Variants in NAALADL2 observed in about 807,000 individuals in gnomAD.
NAALADL2 encodes the protein N-acetylated alpha-linked acidic dipeptidase like 2.
A neutral mutation model predicts 87.2 loss-of-function variants in NAALADL2; 76 were observed. The observed-to-expected ratio is 0.87, with a 90% CI of 0.72 to 1.05. NAALADL2 has a LOEUF of 1.05. Among genes scored for constraint, NAALADL2 ranks in the 50% least tolerant of loss-of-function variants. The pLI is 0.00. For missense variants in NAALADL2, 1,089 were observed against 945.8 expected, an observed-to-expected ratio of 1.15 and a Z score of -1.99; for synonymous variants, 354 against 331.0, an observed-to-expected ratio of 1.07 and a Z score of -0.75.
chr3:175,797,101 A>G (rs1753593244), intron 13 of NAALADL2, among the ~76,000 whole-genome samples: 1 of 152,148 alleles, frequency 6.6e-6, no homozygotes, highest in African/African-American at 2.4e-5. Context: ...TGTGTCATTG[A>G]AACAGGCTCA....
At chr3:174,903,997 ATC>A (rs1732648474) in intron 1 of NAALADL2, among the ~76,000 whole-genome samples, 1 of 150,934 alleles carries the variant, frequency 6.6e-6, no homozygotes, top group African/African-American at 2.5e-5. Context: ...CTATATCTAT[ATC>A]TATATCTATA....
intron 9 of NAALADL2, among the ~76,000 whole-genome samples, chr3:175,542,594 A>G (rs1712558171): frequency 6.6e-6 from 1 of 152,126 alleles, no homozygotes; most frequent in Admixed American, 6.5e-5. Context: ...TCCTGACCTC[A>G]AGTGATCCAC....
At chr3:174,593,175 C>T (rs1005982132) in intron 2 of NAALADL2, among the ~76,000 whole-genome samples, 4 of 152,096 alleles carry the variant, frequency 2.6e-5, no homozygotes, top group African/African-American at 9.7e-5. Context: ...CCATATTAAC[C>T]TTCCTAATGA....
chr3:175,155,255 G>A (rs1368084341), intron 2 of NAALADL2, among the ~76,000 whole-genome samples: 8 of 152,106 alleles, frequency 5.3e-5, no homozygotes, highest in South Asian at 2.1e-4. Flanking sequence ...TGCAACTGGG[G>A]CTGAGAATCA....
intron 13 of NAALADL2, among the ~76,000 whole-genome samples, chr3:175,767,873 C>A (rs1748942872): frequency 6.6e-6 from 1 of 152,276 alleles, no homozygotes; most frequent in South Asian, 2.1e-4. Flanking sequence ...GTTTATCTGC[C>A]TGAAACCGTT....
At chr3:174,605,721 T>C (rs1355896463) in intron 2 of NAALADL2, among the ~76,000 whole-genome samples, 1 of 151,918 alleles carries the variant, frequency 6.6e-6, no homozygotes, top group African/African-American at 2.4e-5. Context: ...CTCTGTAGGC[T>C]CCACCTCTGG....
At chr3:174,748,759 A>T (rs933157650) in intron 3 of NAALADL2, among the ~76,000 whole-genome samples, 2 of 152,182 alleles carry the variant, frequency 1.3e-5, no homozygotes, top group African/African-American at 4.8e-5. Flanking sequence ...ATACCTCTTG[A>T]TATAGTGCAA....
intron 9 of NAALADL2, among the ~76,000 whole-genome samples, chr3:175,557,996 C>T (rs1198792335): frequency 6.6e-6 from 1 of 151,894 alleles, no homozygotes; most frequent in Non-Finnish European, 1.5e-5. Flanking sequence ...AAATCGAGAC[C>T]ATCCTGGCTA....
At chr3:174,722,248 G>A (rs1578681278) in intron 2 of NAALADL2, among the ~76,000 whole-genome samples, 1 of 152,302 alleles carries the variant, frequency 6.6e-6, no homozygotes, top group Non-Finnish European at 1.5e-5. Flanking sequence ...GTGCATGAAG[G>A]TATGGGTTGG....
At chr3:175,586,943 C>T (rs1309976095) in intron 10 of NAALADL2, among the ~76,000 whole-genome samples, 1 of 152,056 alleles carries the variant, frequency 6.6e-6, no homozygotes, top group Non-Finnish European at 1.5e-5. Context: ...CTAGGCAAAC[C>T]CCATTGACTA....
chr3:174,776,117 ATGT>A (rs1715182251), intron 3 of NAALADL2, among the ~76,000 whole-genome samples: 1 of 152,134 alleles, frequency 6.6e-6, no homozygotes, highest in Non-Finnish European at 1.5e-5. Flanking sequence ...AACTCAATAA[ATGT>A]TGTTGGTTGA....
chr3:175,162,964 T>C (rs1200809971), intron 2 of NAALADL2, among the ~76,000 whole-genome samples: 1 of 152,096 alleles, frequency 6.6e-6, no homozygotes, highest in African/African-American at 2.4e-5. Flanking sequence ...AAAGCCTAGG[T>C]GAAGTTACAT....
intron 11 of NAALADL2, among the ~76,000 whole-genome samples, chr3:175,713,244 C>G (rs1051238352): frequency 1.3e-4 from 20 of 152,102 alleles, no homozygotes; most frequent in African/African-American, 4.8e-4. Context: ...CAGTTCAAGA[C>G]TACAACAATT....
chr3:174,969,208 G>A (rs931399858), intron 1 of NAALADL2, among the ~76,000 whole-genome samples: 4 of 152,036 alleles, frequency 2.6e-5, no homozygotes, highest in African/African-American at 9.7e-5. Context: ...TCCCATCCAG[G>A]AGAAACTGCT....
At chr3:174,453,565 AT>A (rs1280145191) in intron 1 of NAALADL2, among the ~76,000 whole-genome samples, 7 of 152,218 alleles carry the variant, frequency 4.6e-5, no homozygotes, top group African/African-American at 1.7e-4. Context: ...AACAATGGAC[AT>A]TTCTGTAGAA....
chr3:175,502,782 G>A (rs545294353), intron 9 of NAALADL2, among the ~76,000 whole-genome samples: 1 of 152,026 alleles, frequency 6.6e-6, no homozygotes, highest in Admixed American at 6.6e-5. Flanking sequence ...TCCCACCACT[G>A]TAGTTTGAAC....
intron 5 of NAALADL2, among the ~76,000 whole-genome samples, chr3:175,327,859 A>T (rs1314973286): frequency 6.6e-6 from 1 of 152,222 alleles, no homozygotes; most frequent in Non-Finnish European, 1.5e-5. Context: ...AGTTGTGTCA[A>T]TGCCATGAAT....
At chr3:174,744,468 C>A (rs1040659979) in intron 3 of NAALADL2, among the ~76,000 whole-genome samples, 1 of 152,024 alleles carries the variant, frequency 6.6e-6, no homozygotes, top group Non-Finnish European at 1.5e-5. Context: ...TAGAGACCTA[C>A]AAAGAGACTT....
chr3:174,755,539 C>G (rs1036425820), intron 3 of NAALADL2, among the ~76,000 whole-genome samples: 7 of 152,144 alleles, frequency 4.6e-5, no homozygotes, highest in Admixed American at 2.6e-4. Flanking sequence ...AGCCACCTCT[C>G]CTTTGTCCTT....
Sources: allele counts gnomAD v4.1 joint callset (sites outside exome capture counted in the v4.1 genomes callset), GRCh38; gene constraint gnomAD v4.1.1; transcripts MANE v1.5; gene names NCBI Gene and HGNC (gene_info 2026-07-23, HGNC 2026-07-21).